The following ADGRA3 variants were observed in gnomAD, a reference collection of about 807,000 sequenced individuals.
The protein encoded by ADGRA3 is adhesion G protein-coupled receptor A3.
A neutral mutation model predicts 119.8 loss-of-function variants in ADGRA3; 56 were observed. The ratio of observed to expected loss-of-function variants is 0.47; its 90% CI spans 0.38 to 0.58. ADGRA3 has a LOEUF of 0.58. ADGRA3 is among the 20% of genes least tolerant of loss of function. The pLI is 0.00. For missense variants in ADGRA3, 1,516 were observed against 1,649.0 expected (o/e 0.92, Z 1.40); for synonymous variants, 607 against 623.8 (o/e 0.97, Z 0.40).
chr4:22,423,871 A>G (rs1489952877), intron 11 of ADGRA3, among the ~76,000 whole-genome samples: 2 of 152,240 alleles, frequency 1.3e-5, no homozygotes, highest in Non-Finnish European at 2.9e-5. Context: ...TTAGATGGTG[A>G]TAAACATTCA....
chr4:22,474,267 T>C (rs1560335336), intron 1 of ADGRA3, among the ~76,000 whole-genome samples: 1 of 152,290 alleles, frequency 6.6e-6, no homozygotes, highest in East Asian at 1.9e-4. Context: ...AGAAATAAGG[T>C]ATCTTCTAGA....
chr4:22,403,108 A>T (rs766872377), intron 14 of ADGRA3, among the ~76,000 whole-genome samples: 2 of 152,154 alleles, frequency 1.3e-5, no homozygotes, highest in Non-Finnish European at 2.9e-5. Context: ...TTCAGAAAGC[A>T]TAACCAGAAT....
intron 17 of ADGRA3, among the ~76,000 whole-genome samples, chr4:22,392,257 CA>C (rs1714162920): frequency 6.6e-6 from 1 of 152,178 alleles, no homozygotes; most frequent in Admixed American, 6.5e-5. Flanking sequence ...ATTATATGGC[CA>C]ATCCCCTCTT....
chr4:22,484,694 G>C (rs1050834992), intron 1 of ADGRA3, among the ~76,000 whole-genome samples: 9 of 151,982 alleles, frequency 5.9e-5, no homozygotes, highest in African/African-American at 2.2e-4. Context: ...TGAGAAGGCT[G>C]GGGGTGACAG....
chr4:22,455,850 T>C (rs1184105474), intron 3 of ADGRA3: 3 of 1,285,276 alleles, frequency 2.3e-6, no homozygotes, highest in African/African-American at 1.5e-5. Flanking sequence ...TCAGTGGACT[T>C]AGCCCTATGC....
At chr4:22,468,365 G>A (rs1420397949) in intron 2 of ADGRA3, among the ~76,000 whole-genome samples, 1 of 152,206 alleles carries the variant, frequency 6.6e-6, no homozygotes, top group Admixed American at 6.5e-5. Context: ...ACACTGACCA[G>A]TAGGCAACTG....
chr4:22,452,165 T>A (rs1020917), intron 4 of ADGRA3, among the ~76,000 whole-genome samples: 118,944 of 152,154 alleles, frequency 0.78, 47,093 homozygotes, highest in Non-Finnish European at 0.85. Flanking sequence ...ATTTAAAAGA[T>A]GTAGGCCAGG....
chr4:22,428,612 T>C (rs1395991961), intron 10 of ADGRA3, among the ~76,000 whole-genome samples: 2 of 152,290 alleles, frequency 1.3e-5, no homozygotes, highest in East Asian at 3.9e-4. Context: ...GCTGATCCTA[T>C]TAAGCTCAAG....
At chr4:22,484,651 C>T (rs1175315686) in intron 1 of ADGRA3, among the ~76,000 whole-genome samples, 5 of 140,654 alleles carry the variant, frequency 3.6e-5, no homozygotes, top group Admixed American at 2.2e-4. Flanking sequence ...AAAATGATAC[C>T]ATGCAGAATA....
intron 10 of ADGRA3, among the ~76,000 whole-genome samples, chr4:22,425,273 T>A (rs1044760134): frequency 1.3e-5 from 2 of 152,122 alleles, no homozygotes; most frequent in African/African-American, 4.8e-5. Flanking sequence ...AATGAATGCT[T>A]TTAAGATCTA....
chr4:22,497,130 G>A (rs1046072927), intron 1 of ADGRA3, among the ~76,000 whole-genome samples: 1 of 152,118 alleles, frequency 6.6e-6, no homozygotes, highest in Non-Finnish European at 1.5e-5. Context: ...GACAACAGAG[G>A]GTTGACAGGG....
At chr4:22,402,602 T>C in intron 15 of ADGRA3, 73 bp downstream of exon 15, 2 of 1,494,476 alleles carry the variant, frequency 1.3e-6, no homozygotes, top group Non-Finnish European at 9.1e-7. Flanking sequence ...CTCAATTTTA[T>C]CCTAATTAAA....
At chr4:22,471,094 G>A (rs1223398283) in intron 2 of ADGRA3, among the ~76,000 whole-genome samples, 43 of 152,182 alleles carry the variant, frequency 2.8e-4, no homozygotes, top group Admixed American at 2.6e-3. Flanking sequence ...AGTCAGTGCT[G>A]AAGGAATAAA....
intron 1 of ADGRA3, among the ~76,000 whole-genome samples, chr4:22,492,981 T>A (rs184290289): frequency 3.0e-5 from 4 of 131,234 alleles, no homozygotes; most frequent in Admixed American, 8.3e-5. Context: ...TTTCTTTTTT[T>A]AAGAGACAGG....
chr4:22,499,552 T>C (rs1718978321), intron 1 of ADGRA3, among the ~76,000 whole-genome samples: 1 of 152,150 alleles, frequency 6.6e-6, no homozygotes, highest in East Asian at 1.9e-4. Flanking sequence ...TAGACAGAAC[T>C]AGAGTGTTAT....
intron 1 of ADGRA3, among the ~76,000 whole-genome samples, chr4:22,502,893 GAAAAAAAAAA>G (rs71182944): frequency 8.3e-6 from 1 of 120,098 alleles, no homozygotes; most frequent in Non-Finnish European, 1.7e-5. Flanking sequence ...CTACTTAAGG[GAAAAAAAAAA>G]AAAAAAAAAA....
At chr4:22,453,826 C>T (rs1717151265) in intron 4 of ADGRA3, among the ~76,000 whole-genome samples, 1 of 152,106 alleles carries the variant, frequency 6.6e-6, no homozygotes, top group Non-Finnish European at 1.5e-5. Flanking sequence ...TGTCTAATTA[C>T]TCCCAAACAA....
intron 1 of ADGRA3, among the ~76,000 whole-genome samples, chr4:22,496,860 G>T (rs1010470109): frequency 4.6e-5 from 7 of 152,182 alleles, no homozygotes; most frequent in African/African-American, 1.7e-4. Flanking sequence ...GATGGCACAT[G>T]TGCCACCACC....
intron 16 of ADGRA3, among the ~76,000 whole-genome samples, chr4:22,400,767 C>T (rs551357860): frequency 2.0e-5 from 3 of 151,704 alleles, no homozygotes; most frequent in South Asian, 4.2e-4. Context: ...GAAACACAGC[C>T]GATAAATGGT....
Sources: allele counts gnomAD v4.1 joint callset (sites outside exome capture counted in the v4.1 genomes callset), GRCh38; gene constraint gnomAD v4.1.1; transcripts MANE v1.5; gene names NCBI Gene and HGNC (gene_info 2026-07-23, HGNC 2026-07-21).